COL6A3: variants seen among roughly 807,000 people sequenced by gnomAD.
COL6A3 encodes the protein collagen type VI alpha 3 chain.
Under a neutral mutation model 274.1 loss-of-function variants are expected in COL6A3, and 137 were observed. The ratio of observed to expected loss-of-function variants is 0.50; its 90% CI spans 0.44 to 0.58. The LOEUF (loss-of-function observed/expected upper bound fraction) is 0.58, where lower values mean the gene tolerates loss of function less well. Ranked by LOEUF, COL6A3 falls within the 20% of genes least tolerant of loss-of-function variation. COL6A3 has a pLI of 0.00. For missense variants in COL6A3, 3,950 were observed against 4,124.9 expected, an observed-to-expected ratio of 0.96 and a Z score of 1.16; for synonymous variants, 1,650 against 1,650.6, an observed-to-expected ratio of 1.00 and a Z score of 0.01.
chr2:237,337,145 A>G (rs1426599626), intron 39 of COL6A3, among the ~76,000 whole-genome samples: 1 of 152,198 alleles, frequency 6.6e-6, no homozygotes, highest in East Asian at 1.9e-4. Context: ...CCCACACTTC[A>G]TAGCTTTCTT....
rs2077047760 is a variant in COL6A3, at chr2:237,344,051, C to T, written c.7668+299G>A. 6.3e-6 allele frequency: 3 copies of T among 474,260 alleles called. No individual in the cohort carries two copies. The highest frequency in any genetic ancestry group is 3.9e-5 in the African/African-American group (2 of 50,884). 29.4% of individuals were successfully genotyped at this position (474,260 alleles called of 1,614,324 possible). ...CCTCATGAATAAAGCAAACAAGTCA[C>T]ACCACCTTGTTAGTAGATAGAGAGT... On this transcript the variant is annotated intron_variant, in intron 36 of 43. Coordinates refer to ENST00000295550, the MANE Select transcript of COL6A3 (RefSeq NM_004369.4). This position sits in a 1 kb window ranked among gnomAD's most constrained non-coding sequence, Gnocchi z 4.8.
At chr2:237,358,276 C>T (rs2077361761) in intron 21 of COL6A3, among the ~76,000 whole-genome samples, 1 of 152,158 alleles carries the variant, frequency 6.6e-6, no homozygotes, top group South Asian at 2.1e-4. Context: ...TTTGAAGTGC[C>T]CTGATACCAC....
intron 2 of COL6A3, among the ~76,000 whole-genome samples, chr2:237,395,599 T>C (rs1218182720): frequency 6.6e-6 from 1 of 152,154 alleles, no homozygotes; most frequent in East Asian, 1.9e-4. Flanking sequence ...ATAAATTCAT[T>C]CTTTAGTTTG....
chr2:237,355,896 A>G (rs2077307479), intron 23 of COL6A3: 1 of 152,230 alleles, frequency 6.6e-6, no homozygotes, highest in African/African-American at 2.4e-5. Context: ...CAAAAGAGAC[A>G]TGCTAGAGTT....
chr2:237,408,462 G>A lies in COL6A3; in HGVS notation c.-31+5491C>T, dbSNP rs560621120. On this transcript the variant is annotated intron_variant, in intron 1 of 43. Coordinates refer to ENST00000295550, the MANE Select transcript of COL6A3 (RefSeq NM_004369.4). ...CGGCTGTGGGTTTAGCTGAGTTGGCGCTAACTCTGGGTACCGGCCCTGGGC... is the reference window on the plus strand; with the variant it reads ...CGGCTGTGGGTTTAGCTGAGTTGGCACTAACTCTGGGTACCGGCCCTGGGC... Among the ~76,000 whole-genome samples, 305 of 152,340 alleles carry A rather than the reference G, an allele frequency of 2.0e-3. 1 individual carries two copies. Among genetic ancestry groups the A allele is most frequent in the South Asian group, 5.4e-3 (26 of 4,830 alleles).
chr2:237,350,736 C>T lies in COL6A3; in HGVS notation c.6816+394G>A, dbSNP rs535868830. On this transcript the variant is annotated intron_variant, in intron 27 of 43. Transcript: ENST00000295550. ...GTGATTAGCTGAGCCACTGTGCGTG[C>T]ACTGCCCATGTTTAAAGACTGCTCG... Among the ~76,000 whole-genome samples the T allele has an allele frequency of 5.3e-5, 8 of 152,338 alleles. No homozygotes were observed. The South Asian group carries it at 1.7e-3, about 32-fold the overall frequency.
chr2:237,379,372 A>G, intron 5 of COL6A3, 137 bp from the exon 6 acceptor site: 2 of 1,082,358 alleles, frequency 1.8e-6, no homozygotes, highest in Non-Finnish European at 2.8e-6. Flanking sequence ...TCCATCTTGT[A>G]AAATATGGCA....
intron 3 of COL6A3, among the ~76,000 whole-genome samples, chr2:237,388,582 C>G (rs543290942): frequency 2.0e-5 from 3 of 152,256 alleles, no homozygotes; most frequent in Non-Finnish European, 4.4e-5. Context: ...GAGTAGGTTA[C>G]CAAAACTTTA....
At chr2:237,354,452 C>T (rs1456148920) in intron 24 of COL6A3, among the ~76,000 whole-genome samples, 2 of 152,096 alleles carry the variant, frequency 1.3e-5, no homozygotes, top group African/African-American at 2.4e-5. Context: ...TTGCTTCCTT[C>T]GCCCTGTTTT....
chr2:237,350,330 C>T (rs778457252), intron 27 of COL6A3, 121 bp from the exon 28 acceptor site: 17 of 845,694 alleles, frequency 2.0e-5, no homozygotes, highest in South Asian at 5.7e-5. Context: ...TTTGAGATTT[C>T]GGTGGAATGA....
chr2:237,368,997 T>A lies in COL6A3; in HGVS notation c.4466A>T (p.Tyr1489Phe). The A allele has an allele frequency of 6.2e-7, 1 of 1,614,234 alleles. No individual in the cohort carries two copies. Among genetic ancestry groups the A allele is most frequent in the African/African-American group, 1.3e-5 (1 of 75,068 alleles). The change falls in exon 10 of 44, where the codon TAT (tyrosine) becomes TTT (phenylalanine). Residue 1489 changes from tyrosine to phenylalanine, a missense_variant. By Grantham distance (22) the Tyr-to-Phe change is conservative (BLOSUM62 3). Around this residue, in one of 5 missense-constraint regions of COL6A3, gnomAD observed 1,934 missense variants for 1,984.3 expected, o/e 0.97. Transcript: ENST00000295550. The surrounding 1 kb of genome is among the most constrained non-coding windows in gnomAD (Gnocchi z 4.4). Reference sequence around the variant, plus strand: ...GGCCTGGGATCTGTAGGTTTTCAGATAGAATTCTGGGAAGACATCATTGCT... The same window carrying A: ...GGCCTGGGATCTGTAGGTTTTCAGAAAGAATTCTGGGAAGACATCATTGCT... ...QFSNDVFPEFYLKTYRSQAPV... is the reference protein window; with the variant it reads ...QFSNDVFPEFFLKTYRSQAPV...
rs2077773057 is a variant in COL6A3 at position 237,374,339 on chromosome 2, T to C, written c.3679+73A>G. ...CAGGAAAAGCAAAATTGAGAACACC[T>C]TGTGGCCCACAGTCCAGACAAGTAG... On this transcript the variant is annotated intron_variant, in intron 8 of 43. Coordinates refer to ENST00000295550, the MANE Select transcript of COL6A3 (RefSeq NM_004369.4). This position sits in a 1 kb window ranked among gnomAD's most constrained non-coding sequence, Gnocchi z 4.8. 2 of 1,595,144 alleles carry C rather than the reference T, an allele frequency of 1.3e-6. No homozygotes were observed. The highest frequency in any genetic ancestry group is 1.7e-5 in the Admixed American group (1 of 59,996).
At chr2:237,394,079 T>C (rs1368794610) in intron 3 of COL6A3, among the ~76,000 whole-genome samples, 1 of 152,214 alleles carries the variant, frequency 6.6e-6, no homozygotes, top group Non-Finnish European at 1.5e-5. Context: ...AGCTGAGGTT[T>C]CTTGTAATTC....
intron 3 of COL6A3, among the ~76,000 whole-genome samples, chr2:237,390,230 G>T (rs2078252480): frequency 1.3e-5 from 2 of 152,160 alleles, no homozygotes; most frequent in Admixed American, 1.3e-4. Flanking sequence ...TTACTTTTGG[G>T]TTGAAATTTA....
In COL6A3 at chr2:237,361,309, C is replaced by T; in HGVS notation, c.6157-135G>A. 4 of 767,064 alleles carry T rather than the reference C, an allele frequency of 5.2e-6. No individual in the cohort carries two copies. The highest frequency in any genetic ancestry group is 5.3e-5 in the East Asian group (2 of 37,516). The allele number at this position is 767,064 out of a possible 1,614,324, so 47.5% of individuals were successfully genotyped here. A position where few individuals can be genotyped will look rare whatever the true frequency, so the allele number is the denominator to read the frequency against. On this transcript the variant is annotated intron_variant, in intron 15 of 43. Transcript: ENST00000295550. The surrounding 1 kb of genome is among the most constrained non-coding windows in gnomAD (Gnocchi z 5.1). ...TGGCTTTCCCTGTTACTGCTTTTCCCCTCAGTACACCATGTCACGATTCTC... is the reference window on the plus strand; with the variant it reads ...TGGCTTTCCCTGTTACTGCTTTTCCTCTCAGTACACCATGTCACGATTCTC...
intron 37 of COL6A3, 75 bp downstream of exon 37, chr2:237,341,990 T>C: frequency 8.2e-7 from 1 of 1,219,536 alleles, no homozygotes; most frequent in Non-Finnish European, 1.2e-6. Flanking sequence ...ATCATCATTA[T>C]TCTCTCACTC....
intron 10 of COL6A3, among the ~76,000 whole-genome samples, chr2:237,367,606 A>T (rs1291173803): frequency 6.6e-6 from 1 of 152,234 alleles, no homozygotes; most frequent in Non-Finnish European, 1.5e-5. Context: ...ACAAGAATTC[A>T]ATAGGGACCT....
At chr2:237,360,442 GTC>G (rs2077410323) in intron 16 of COL6A3, among the ~76,000 whole-genome samples, 1 of 152,158 alleles carries the variant, frequency 6.6e-6, no homozygotes, top group African/African-American at 2.4e-5. Flanking sequence ...CCAGCACTGT[GTC>G]TCTGTGGGTG....
rs1387501881 is a variant in COL6A3, at chr2:237,332,080, TATATATATATATATATATATATATATA to T, written c.9328+1343_9328+1369del. Reference sequence around the variant, plus strand: ...CTCTCTCTCTCTCTACATATATATATATATATATATATATATATATATATATATATATATATATGAAAAGAAAAACAA... The same window carrying T: ...CTCTCTCTCTCTCTACATATATATATTATATATATATGAAAAGAAAAACAA... On this transcript the variant is annotated intron_variant, in intron 42 of 43. Transcript: ENST00000295550. 2.8e-4 allele frequency among the ~76,000 whole-genome samples: 3 copies of T among 10,744 alleles called. 1 individual carries two copies. Among genetic ancestry groups the T allele is most frequent in the East Asian group, 0.014 (2 of 138 alleles). 7.0% of individuals were successfully genotyped at this position (10,744 alleles called of 152,430 possible). A position where few individuals can be genotyped will look rare whatever the true frequency, so the allele number is the denominator to read the frequency against.
Sources: allele counts gnomAD v4.1 joint callset (sites outside exome capture counted in the v4.1 genomes callset), GRCh38; gene constraint gnomAD v4.1.1; regional missense constraint gnomAD v4.1.1; non-coding constraint Gnocchi (gnomAD v3.1); transcripts MANE v1.5; gene names NCBI Gene and HGNC (gene_info 2026-07-23, HGNC 2026-07-21).